USP33: variants seen among roughly 807,000 people sequenced by gnomAD.
USP33 encodes the protein ubiquitin carboxyl-terminal hydrolase 33.
USP33 carries 46 observed loss-of-function variants against 124.2 expected under a neutral mutation model. The ratio of observed to expected loss-of-function variants is 0.37; its 90% CI spans 0.29 to 0.47. USP33 has a LOEUF of 0.47. Ranked by LOEUF, USP33 falls within the 20% of genes least tolerant of loss-of-function variation. The pLI is 0.99. For synonymous variants in USP33, 350 were observed against 352.3 expected, an observed-to-expected ratio of 0.99 and a Z score of 0.07; for missense variants, 851 against 1,070.6, an observed-to-expected ratio of 0.79 and a Z score of 2.86.
Position 77,759,771 on chromosome 1 carries a change from G to C in USP33, c.-180C>G, listed in dbSNP as rs1292792397. ...TGTCGCGTCAGGAGGGCCGGAAAAC[G>C]GCCCCGCAGCGCTGCCCTCGGGGGG... is the stretch of plus-strand genomic sequence containing the variant. On this transcript the variant is annotated 5_prime_UTR_variant, in exon 1 of 24. Coordinates refer to ENST00000370794, the MANE Select transcript of USP33 (RefSeq NM_201624.3). 1 of 397,814 alleles carries C rather than the reference G, an allele frequency of 2.5e-6. No homozygotes were observed. Among genetic ancestry groups the C allele is most frequent in the Admixed American group, 4.4e-5 (1 of 22,696 alleles). The allele number at this position is 397,814 out of a possible 1,614,324, so 24.6% of individuals were successfully genotyped here. A position where few individuals can be genotyped will look rare whatever the true frequency, so the allele number is the denominator to read the frequency against.
At chr1:77,734,811 T>C (rs1405844074) in intron 6 of USP33, among the ~76,000 whole-genome samples, 2 of 152,206 alleles carry the variant, frequency 1.3e-5, no homozygotes, top group East Asian at 3.8e-4. Flanking sequence ...TTCCTTTCCA[T>C]TTCAACGTAT....
intron 7 of USP33, among the ~76,000 whole-genome samples, chr1:77,732,978 A>G (rs568583047): frequency 6.6e-6 from 1 of 151,856 alleles, no homozygotes; most frequent in Admixed American, 6.6e-5. Context: ...TATTTTTAGT[A>G]GAGACAGGGT....
At chr1:77,726,087 T>C (rs1428222226) in intron 10 of USP33, among the ~76,000 whole-genome samples, 1 of 152,164 alleles carries the variant, frequency 6.6e-6, no homozygotes, top group Non-Finnish European at 1.5e-5. Context: ...GTAGCTGAGA[T>C]TACAGGCATG....
chr1:77,729,874 C>A lies in USP33; in HGVS notation c.703G>T (p.Gly235Trp). Residue 235 changes from glycine to tryptophan, a missense_variant, in exon 9 of 24, where the codon GGG (glycine) becomes TGG (tryptophan). Gly to Trp is a radical substitution (Grantham distance 184). Transcript: ENST00000370794. ...GIKTVNPTFR[G>W]YSQQDAQEFL... ...AATAAACTAACCTGCTGAGAATACC[C>A]CCGAAATGTTGGATTTACAGTTTTA... The A allele has an allele frequency of 6.2e-7, 1 of 1,613,510 alleles. No homozygotes were observed. The highest frequency in any genetic ancestry group is 8.5e-7 in the Non-Finnish European group (1 of 1,179,786).
At chr1:77,721,322 C>CGAA in intron 14 of USP33, 117 bp from the exon 15 acceptor site, 1 of 1,114,916 alleles carries the variant, frequency 9.0e-7, no homozygotes. Flanking sequence ...AACAAGGTTC[C>CGAA]ATTTTTTTAA....
chr1:77,727,830 C>T (rs1677332912), intron 10 of USP33, among the ~76,000 whole-genome samples: 1 of 152,200 alleles, frequency 6.6e-6, no homozygotes, highest in South Asian at 2.1e-4. Context: ...GGAACACTGA[C>T]TAGTATCATG....
intron 1 of USP33, among the ~76,000 whole-genome samples, chr1:77,756,554 T>G (rs1380602703): frequency 6.6e-6 from 1 of 152,208 alleles, no homozygotes; most frequent in Non-Finnish European, 1.5e-5. Flanking sequence ...TGGGAAGTTC[T>G]GGGAGCCTTT....
intron 10 of USP33, among the ~76,000 whole-genome samples, chr1:77,727,943 A>C (rs1677344448): frequency 6.6e-6 from 1 of 152,222 alleles, no homozygotes; most frequent in African/African-American, 2.4e-5. Context: ...ACTAGTGTAT[A>C]TAATTAGAAA....
intron 10 of USP33, among the ~76,000 whole-genome samples, chr1:77,726,869 T>C (rs1238260016): frequency 6.6e-6 from 1 of 151,866 alleles, no homozygotes; most frequent in African/African-American, 2.4e-5. Context: ...CAAGAAAATA[T>C]AAGAGCTACC....
At chr1:77,740,024 T>C (rs768365260) in intron 4 of USP33, among the ~76,000 whole-genome samples, 10 of 152,214 alleles carry the variant, frequency 6.6e-5, no homozygotes, top group Non-Finnish European at 8.8e-5. Context: ...TAATTAATTC[T>C]ATAGAGGAAT....
At chr1:77,724,906 G>C (rs1402814254) in intron 11 of USP33, among the ~76,000 whole-genome samples, 5 of 152,064 alleles carry the variant, frequency 3.3e-5, no homozygotes, top group Non-Finnish European at 7.4e-5. Flanking sequence ...GCCAGGCATG[G>C]TGGCGTGCAC....
intron 1 of USP33, among the ~76,000 whole-genome samples, chr1:77,750,189 G>A (rs1392340035): frequency 6.6e-6 from 1 of 152,012 alleles, no homozygotes; most frequent in Non-Finnish European, 1.5e-5. Context: ...ATAGTGGTGG[G>A]TGCCTGTAAT....
chr1:77,752,774 T>C (rs1313348665), intron 1 of USP33, among the ~76,000 whole-genome samples: 1 of 152,152 alleles, frequency 6.6e-6, no homozygotes, highest in African/African-American at 2.4e-5. Flanking sequence ...AATTAAACTA[T>C]TTTTTAAAAT....
intron 9 of USP33, 139 bp downstream of exon 9, chr1:77,729,721 T>C (rs1345479327): frequency 4.1e-6 from 3 of 734,048 alleles, no homozygotes; most frequent in East Asian, 2.6e-5. Flanking sequence ...ACAATAAACA[T>C]GAAAAAGGGT....
rs1295493217 is a variant in USP33 at position 77,715,767 on chromosome 1, C to T, written c.2020G>A (p.Ala674Thr). 1.2e-6 allele frequency: 2 copies of T among 1,613,632 alleles called. No homozygotes were observed. The highest frequency in any genetic ancestry group is 1.7e-6 in the Non-Finnish European group (2 of 1,179,876). The change falls in exon 18 of 24, where the codon GCA (alanine) becomes ACA (threonine). Residue 674 changes from alanine (A) to threonine (T), a missense_variant. Transcript: ENST00000370794. ...TEVSESTVQN[A>T]EAYVLFYRKS... ...CTATAGAAAAGAACGTAAGCTTCTGCATTTTGTACAGTAGATTCTGAAACT... is the reference window on the plus strand; with the variant it reads ...CTATAGAAAAGAACGTAAGCTTCTGTATTTTGTACAGTAGATTCTGAAACT...
intron 4 of USP33, among the ~76,000 whole-genome samples, chr1:77,740,072 G>A (rs550803744): frequency 6.6e-6 from 1 of 152,330 alleles, no homozygotes; most frequent in South Asian, 2.1e-4. Flanking sequence ...AGGTATCAAT[G>A]TGCATCTTAA....
At position 77,721,918 on chromosome 1, in the gene USP33, C is replaced by A; in HGVS notation, c.1570G>T (p.Val524Phe). 1 of 1,607,224 alleles carries A rather than the reference C, an allele frequency of 6.2e-7. No individual in the cohort carries two copies. Among genetic ancestry groups the A allele is most frequent in the Non-Finnish European group, 8.5e-7 (1 of 1,178,340 alleles). The change falls in exon 14 of 24, where the codon GTC becomes TTC. Residue 524 changes from valine (V) to phenylalanine (F), a missense_variant. Transcript: ENST00000370794. ...FFMEYVKRFV[V>F]SCVPSWFWGP... ...CAAAACCAGCTAGGGACACATGAGA[C>A]AACAAACCTGAAACATCATTGATAG...
intron 6 of USP33, among the ~76,000 whole-genome samples, chr1:77,734,925 C>A (rs951609945): frequency 1.3e-5 from 2 of 151,984 alleles, no homozygotes; most frequent in Non-Finnish European, 2.9e-5. Context: ...AGATCGAGAC[C>A]ATCCTGGCTA....
chr1:77,714,478 G>C, intron 19 of USP33, 136 bp downstream of exon 19: 3 of 841,242 alleles, frequency 3.6e-6, no homozygotes, highest in Non-Finnish European at 5.5e-6. Flanking sequence ...AAACCATATG[G>C]AATTAAAACA....
Sources: allele counts gnomAD v4.1 joint callset (sites outside exome capture counted in the v4.1 genomes callset), GRCh38; gene constraint gnomAD v4.1.1; transcripts MANE v1.5; gene names NCBI Gene and HGNC (gene_info 2026-07-23, HGNC 2026-07-21).